SLC38A10: variants seen among roughly 807,000 people sequenced by gnomAD.
SLC38A10 encodes solute carrier family 38 member 10.
A neutral mutation model predicts 81.0 loss-of-function variants in SLC38A10; 53 were observed. The ratio of observed to expected loss-of-function variants is 0.65; its 90% confidence interval spans 0.53 to 0.82. The LOEUF (loss-of-function observed/expected upper bound fraction) is 0.82, where lower values mean the gene tolerates loss of function less well. SLC38A10 is among the 40% of genes least tolerant of loss of function. The probability of loss-of-function intolerance (pLI) is 0.00; values close to 1 mark genes in which losing one functional copy is unlikely to be tolerated. For synonymous variants in SLC38A10, 665 were observed against 655.3 expected (o/e 1.01, Z -0.23); for missense variants, 1,471 against 1,545.0 (o/e 0.95, Z 0.80).
chr17:81,245,724 C>T lies in SLC38A10; in HGVS notation c.3192G>A (p.Leu1064=), dbSNP rs761153482. ...CAATGATGACCCCATCCCTCGGGGC[C>T]AGCTGACCCTCTGCATGAGGGCCAA... The part of the protein sequence containing the change: ...RDLGPHAEGQ[L]APRDGVIIGL... The change falls in exon 16 of 16, where the codon CTG becomes CTA. Residue 1064 remains leucine (L), a synonymous_variant. Coordinates refer to ENST00000374759, the MANE Select transcript of SLC38A10 (RefSeq NM_001037984.3). 1.3e-6 allele frequency: 2 copies of T among 1,598,438 alleles called. No homozygotes were observed. Among genetic ancestry groups the T allele is most frequent in the South Asian group, 1.1e-5 (1 of 90,470 alleles).
intron 14 of SLC38A10, among the ~76,000 whole-genome samples, chr17:81,248,895 C>A (rs777076781): frequency 2.0e-5 from 3 of 152,228 alleles, no homozygotes; most frequent in Non-Finnish European, 4.4e-5. Flanking sequence ...CCGGGCCAGA[C>A]GCCTGCCTGC....
rs200055925 is a variant in SLC38A10 at position 81,252,698 on chromosome 17, G to A, written c.1457-15C>T. On this transcript the variant is annotated splice_polypyrimidine_tract_variant and intron_variant, in intron 12 of 15. Transcript: ENST00000374759. ...CACAGCAATCCCTGCAAGGGCACGG[G>A]GGACAGATGGGGTCAGGCTGAGGCC... 16 of 1,579,456 alleles carry A rather than the reference G, an allele frequency of 1.0e-5. No individual in the cohort carries two copies. The East Asian group carries it at 3.6e-4, about 35-fold the overall frequency.
In SLC38A10 at chr17:81,289,805, C is replaced by T. The variant is rs569770411; in HGVS notation, c.103G>A (p.Gly35Ser). The change falls in exon 2 of 16, where the codon GGC (glycine) becomes AGC (serine). Residue 35 changes from glycine to serine, a missense_variant. Physicochemically the swap from Gly to Ser is moderately conservative, Grantham distance 56. Around this residue, in one of 2 missense-constraint regions of SLC38A10, gnomAD observed 720 missense variants for 827.7 expected, o/e 0.87. Coordinates refer to ENST00000374759, the MANE Select transcript of SLC38A10 (RefSeq NM_001037984.3). This position sits in a 1 kb window ranked among gnomAD's most constrained non-coding sequence, Gnocchi z 5.9. Reference sequence around the variant, plus strand: ...AAGAGCAGCGCCCCCAGGACGATGCCGCACTGCAGGGTGGAGACAGGAACA... The same window carrying T: ...AAGAGCAGCGCCCCCAGGACGATGCTGCACTGCAGGGTGGAGACAGGAACA... ...LTMPFCFKQC[G>S]IVLGALLLVF... 8 of 1,594,618 alleles carry T rather than the reference C, an allele frequency of 5.0e-6. No individual in the cohort carries two copies. The highest frequency in any genetic ancestry group is 2.3e-5 in the East Asian group (1 of 43,798).
Position 81,270,530 on chromosome 17 carries a change from C to T in SLC38A10, c.1131+388G>A, listed in dbSNP as rs914120970. Among the ~76,000 whole-genome samples the T allele has an allele frequency of 5.3e-5, 8 of 151,372 alleles. No individual in the cohort carries two copies. Among genetic ancestry groups the T allele is most frequent in the African/African-American group, 1.7e-4 (7 of 41,256 alleles). ...AAAAACCCACAAGCACGCACATCTC[C>T]GTGGGAGGGTCGCACCAGGAACAAC... On this transcript the variant is annotated intron_variant, in intron 10 of 15. Transcript: ENST00000374759. The surrounding 1 kb of genome is among the most constrained non-coding windows in gnomAD (Gnocchi z 4.0).
chr17:81,247,290 A>C, intron 14 of SLC38A10: 1 of 415,936 alleles, frequency 2.4e-6, no homozygotes, highest in Non-Finnish European at 4.2e-6. Context: ...TGCCCCTGGA[A>C]GCCCACCCGG....
rs773282111 is a variant in SLC38A10, at chr17:81,245,580, C to T, written c.3336G>A (p.Ala1112=). Reference sequence around the variant, plus strand: ...GCTAGGACTCCTCTGGAGGCCCAGGCGCCTGTCTAAGCTGCCGGCTGTGGA... The same window carrying T: ...GCTAGGACTCCTCTGGAGGCCCAGGTGCCTGTCTAAGCTGCCGGCTGTGGA... The part of the protein sequence containing the change: ...QVVHSRQLRQ[A]PGPPEES The change falls in exon 16 of 16, where the codon GCG becomes GCA. Residue 1112 remains alanine, a synonymous_variant. Coordinates refer to ENST00000374759, the MANE Select transcript of SLC38A10 (RefSeq NM_001037984.3). 4.5e-5 allele frequency: 72 copies of T among 1,609,550 alleles called. No individual in the cohort carries two copies. Among genetic ancestry groups the T allele is most frequent in the Middle Eastern group, 1.9e-4 (1 of 5,356 alleles).
Position 81,244,995 on chromosome 17 carries a change from G to A in SLC38A10, c.*561C>T, listed in dbSNP as rs190726569. The A allele has an allele frequency of 3.9e-4, 61 of 158,384 alleles. No homozygotes were observed. Among genetic ancestry groups the A allele is most frequent in the Non-Finnish European group, 8.0e-4 (58 of 72,132 alleles). The allele number at this position is 158,384 out of a possible 1,614,324, so 9.8% of individuals were successfully genotyped here. Reference sequence around the variant, plus strand: ...TCCTGGACACCAAACAGCATCCACCGAGGCTGGGTGAAGGCAAAAGTGTTT... The same window carrying A: ...TCCTGGACACCAAACAGCATCCACCAAGGCTGGGTGAAGGCAAAAGTGTTT... On this transcript the variant is annotated 3_prime_UTR_variant, in exon 16 of 16. Coordinates refer to ENST00000374759, the MANE Select transcript of SLC38A10 (RefSeq NM_001037984.3).
chr17:81,287,085 C>T (rs934618513), intron 2 of SLC38A10, among the ~76,000 whole-genome samples: 4 of 152,178 alleles, frequency 2.6e-5, no homozygotes, highest in Admixed American at 6.5e-5. Context: ...GTGACGAAAA[C>T]GACAAAAACC....
chr17:81,248,996 GGCC>G (rs1447905930), intron 14 of SLC38A10, among the ~76,000 whole-genome samples: 6 of 152,176 alleles, frequency 3.9e-5, no homozygotes, highest in Non-Finnish European at 7.3e-5. Context: ...CTCGGCCGTG[GGCC>G]ACGTGCTCGC....
intron 14 of SLC38A10, 134 bp downstream of exon 14, chr17:81,251,359 C>A: frequency 6.2e-7 from 1 of 1,612,870 alleles, no homozygotes; most frequent in Non-Finnish European, 8.5e-7. Context: ...GAGGGGTCTG[C>A]TCAGCAGGCG....
chr17:81,280,870 TG>T, intron 5 of SLC38A10, 137 bp from the exon 6 acceptor site: 1 of 1,198,510 alleles, frequency 8.3e-7, no homozygotes, highest in South Asian at 1.7e-5. Flanking sequence ...CCCACCACCC[TG>T]TGCCGCCCTG....
chr17:81,252,831 GC>G, intron 12 of SLC38A10, 148 bp from the exon 13 acceptor site: 1 of 1,310,486 alleles, frequency 7.6e-7, no homozygotes. Flanking sequence ...CCTCCCTGCT[GC>G]CTGGCCAAGC....
At chr17:81,292,267 C>T (rs2063317501) in intron 1 of SLC38A10, among the ~76,000 whole-genome samples, 1 of 152,200 alleles carries the variant, frequency 6.6e-6, no homozygotes, top group Admixed American at 6.5e-5. Flanking sequence ...GCTGGGACTA[C>T]AGGCGCCTGA....
rs937439745 is a variant in SLC38A10 at position 81,245,407 on chromosome 17, C to T, written c.*149G>A. On this transcript the variant is annotated 3_prime_UTR_variant, in exon 16 of 16. Transcript: ENST00000374759. ...ACGATGCCACAGTGAATCTTTTATACTGTCACTCACACTTGGTGAGGGCCT... is the reference window on the plus strand; with the variant it reads ...ACGATGCCACAGTGAATCTTTTATATTGTCACTCACACTTGGTGAGGGCCT... 5.2e-6 allele frequency: 5 copies of T among 955,928 alleles called. No homozygotes were observed. The Admixed American group carries it at 1.3e-4, about 24-fold the overall frequency. 59.2% of individuals were successfully genotyped at this position (955,928 alleles called of 1,614,324 possible). A position where few individuals can be genotyped will look rare whatever the true frequency, so the allele number is the denominator to read the frequency against.
chr17:81,278,679 C>T lies in SLC38A10; in HGVS notation c.627-1546G>A, dbSNP rs562861136. On this transcript the variant is annotated intron_variant, in intron 6 of 15. Transcript: ENST00000374759. ...ACAGCTACAGAAGAAGGCCATGTTG[C>T]GGCATGAACTTCCCAGTGCTAAACT... Among the ~76,000 whole-genome samples, 4 of 152,294 alleles carry T rather than the reference C, an allele frequency of 2.6e-5. No individual in the cohort carries two copies. The East Asian group carries it at 7.7e-4, about 29-fold the overall frequency.
chr17:81,287,058 AAGC>A (rs1298848414), intron 2 of SLC38A10, among the ~76,000 whole-genome samples: 3 of 152,238 alleles, frequency 2.0e-5, no homozygotes, highest in African/African-American at 7.2e-5. Context: ...CAGGGCAAGG[AAGC>A]AGCAAGTGAG....
rs968902405 is a variant in SLC38A10, at chr17:81,295,066, G to A, written c.-145C>T. The A allele has an allele frequency of 7.7e-7, 1 of 1,291,212 alleles. No homozygotes were observed. The highest frequency in any genetic ancestry group is 9.8e-7 in the Non-Finnish European group (1 of 1,015,372). 80.0% of individuals were successfully genotyped at this position (1,291,212 alleles called of 1,614,324 possible). A position where few individuals can be genotyped will look rare whatever the true frequency, so the allele number is the denominator to read the frequency against. ...GGGGATGGGCAGCCTGAACACGGGA[G>A]CCTGAGCAGGCGCGGGCGCGGGCCC... is the stretch of plus-strand genomic sequence containing the variant. On this transcript the variant is annotated 5_prime_UTR_variant, in exon 1 of 16. Coordinates refer to ENST00000374759, the MANE Select transcript of SLC38A10 (RefSeq NM_001037984.3).
chr17:81,273,054 A>AC (rs573330109), intron 8 of SLC38A10, among the ~76,000 whole-genome samples: 2 of 151,996 alleles, frequency 1.3e-5, no homozygotes, highest in Admixed American at 6.6e-5. Context: ...TGCAGGCAGA[A>AC]CCCCCCCAAA....
At chr17:81,257,398 A>T (rs1322389490) in intron 11 of SLC38A10, among the ~76,000 whole-genome samples, 1 of 152,090 alleles carries the variant, frequency 6.6e-6, no homozygotes, top group East Asian at 1.9e-4. Flanking sequence ...ACCGGCCCGG[A>T]GAAGGCTTCT....
Sources: gnomAD v4.1 joint callset for allele counts (sites outside exome capture counted in the v4.1 genomes callset) on GRCh38, gnomAD v4.1.1 for gene constraint, gnomAD v4.1.1 regional missense constraint, Gnocchi (gnomAD v3.1) non-coding constraint, MANE v1.5 for transcripts, NCBI Gene and HGNC (gene_info 2026-07-23, HGNC 2026-07-21) for gene names.